PDE4C: variants seen among roughly 807,000 people sequenced by gnomAD.
PDE4C encodes the protein 3',5'-cyclic-AMP phosphodiesterase 4C.
PDE4C carries 50 observed loss-of-function variants against 63.9 expected under a neutral mutation model. The ratio of observed to expected loss-of-function variants is 0.78; its 90% CI spans 0.62 to 0.99. PDE4C has a LOEUF of 0.99. PDE4C is among the 50% of genes least tolerant of loss of function. The pLI is 0.00. For synonymous variants in PDE4C, 377 were observed against 385.1 expected (o/e 0.98, Z 0.25); for missense variants, 777 against 899.1 (o/e 0.86, Z 1.74).
intron 13 of PDE4C, among the ~76,000 whole-genome samples, chr19:18,212,525 A>G (rs1271297337): frequency 7.0e-6 from 1 of 143,028 alleles, no homozygotes; most frequent in African/African-American, 2.6e-5. Flanking sequence ...CCCAGGCTGG[A>G]GTGCAATGGT....
At chr19:18,233,734 G>A, upstream of PDE4C, 1 of 336,068 alleles carries the variant, frequency 3.0e-6, no homozygotes, top group Non-Finnish European at 5.9e-6. Context: ...TGAAGGCAGG[G>A]GAGGGAGACC....
intron 1 of PDE4C, among the ~76,000 whole-genome samples, chr19:18,248,008 C>T (rs756118294): frequency 1.3e-5 from 2 of 152,092 alleles, no homozygotes; most frequent in Admixed American, 6.5e-5. Context: ...TCAGGACTGG[C>T]GAAACAAGGT....
At chr19:18,252,416 AGAAATCAGAGAGCT>A (rs1969241590), upstream of PDE4C, 1 of 399,086 alleles carries the variant, frequency 2.5e-6, no homozygotes, top group Non-Finnish European at 4.4e-6. Context: ...CGAAGGGAGA[AGAAATCAGAGAGCT>A]GACAGGTGAT....
At chr19:18,233,335 G>A (rs1195007665) in exon 1 of PDE4C, 1 of 1,136,060 alleles carries the variant, frequency 8.8e-7, no homozygotes, top group East Asian at 2.6e-5. Context: ...GTGCTGAAGC[G>A]GTAGAAGGTG....
chr19:18,237,815 G>A (rs1050519682), upstream of PDE4C, among the ~76,000 whole-genome samples: 1 of 142,212 alleles, frequency 7.0e-6, no homozygotes, highest in East Asian at 2.2e-4. Flanking sequence ...GGAGCTTGCA[G>A]TGAGCTGAGA....
chr19:18,226,478 C>T, upstream of PDE4C: 2 of 1,296,548 alleles, frequency 1.5e-6, no homozygotes, highest in South Asian at 4.3e-5. Context: ...TGGACAGCTG[C>T]GGGGGCGGGG....
chr19:18,221,009 TG>T, intron 4 of PDE4C, 86 bp from the exon 5 acceptor site: 6 of 1,475,190 alleles, frequency 4.1e-6, no homozygotes, highest in Non-Finnish European at 5.5e-6. Flanking sequence ...CAAACCCACC[TG>T]GAGGCGCCGG....
chr19:18,238,733 C>A (rs569409518), intron 1 of PDE4C, among the ~76,000 whole-genome samples: 69 of 152,010 alleles, frequency 4.5e-4, no homozygotes, highest in African/African-American at 1.6e-3. Flanking sequence ...TGGCTCATGC[C>A]TGTAATCCCA....
upstream of PDE4C, chr19:18,252,319 G>T (rs1244771103): frequency 5.0e-6 from 2 of 399,004 alleles, no homozygotes; most frequent in Middle Eastern, 6.2e-4. Flanking sequence ...GAACTTGAGG[G>T]GCTGAGGTGG....
At chr19:18,231,907 T>G (rs1433583862) in intron 1 of PDE4C, among the ~76,000 whole-genome samples, 1 of 151,812 alleles carries the variant, frequency 6.6e-6, no homozygotes, top group Non-Finnish European at 1.5e-5. Flanking sequence ...AGCCCCTCCT[T>G]ACTTAAGTGA....
At position 18,221,249 on chromosome 19, in the gene PDE4C, G is replaced by T; in HGVS notation, c.375+12C>A. The T allele has an allele frequency of 6.5e-7, 1 of 1,548,362 alleles. No homozygotes were observed. The highest frequency in any genetic ancestry group is 8.7e-7 in the Non-Finnish European group (1 of 1,154,104). On this transcript the variant is annotated intron_variant, in intron 3 of 14. Coordinates refer to ENST00000262805, the Ensembl canonical transcript of PDE4C. ...GGAGGGGGTCAGGGCAGGGAGGGCG[G>T]GGGACACCCACCTGGGCAAAGGGCG...
exon 15 of PDE4C, chr19:18,210,734 A>AG (rs1469049800): frequency 1.2e-6 from 1 of 867,072 alleles, no homozygotes; most frequent in Non-Finnish European, 1.6e-6. Flanking sequence ...AGGCAAGTCT[A>AG]GGGTCAGAGT....
chr19:18,232,698 G>GCACACA (rs77152816), intron 1 of PDE4C, among the ~76,000 whole-genome samples: 71 of 150,800 alleles, frequency 4.7e-4, no homozygotes, highest in Middle Eastern at 3.4e-3. Flanking sequence ...GCGCGCGCGC[G>GCACACA]CACACACACA....
chr19:18,215,156 C>A (rs937420133), intron 12 of PDE4C, among the ~76,000 whole-genome samples: 5 of 152,124 alleles, frequency 3.3e-5, no homozygotes, highest in East Asian at 1.9e-4. Context: ...ACGTTTAGTT[C>A]TTTCTCACTC....
At chr19:18,233,268 C>G in exon 1 of PDE4C, 2 of 1,534,782 alleles carry the variant, frequency 1.3e-6, no homozygotes, top group Middle Eastern at 1.7e-4. Flanking sequence ...CGTCTGCTCC[C>G]GGGTCCGGCC....
Position 18,220,250 on chromosome 19 carries a change from C to G in PDE4C, c.682G>C (p.Glu228Gln), listed in dbSNP as rs550397774. 3.1e-6 allele frequency: 5 copies of G among 1,614,048 alleles called. No individual in the cohort carries two copies. In the Admixed American group the frequency reaches 6.7e-5, roughly 22 times the overall value. ...CCCAGGAAGGTCCGGGAGATGTACT[C>G]GGACACCTGGTTCCCGGAGCGGCTG... Residue 228 changes from glutamate to glutamine, a missense_variant, in exon 7 of 15, where the codon GAG becomes CAG. Physicochemically the swap from Glu to Gln is conservative, Grantham distance 29. Coordinates refer to ENST00000262805, the Ensembl canonical transcript of PDE4C. The surrounding 1 kb of genome is among the most constrained non-coding windows in gnomAD (Gnocchi z 5.1).
intron 1 of PDE4C, chr19:18,224,498 A>C: frequency 2.0e-6 from 2 of 985,480 alleles, no homozygotes; most frequent in Non-Finnish European, 2.4e-6. Context: ...GTCGAATTGG[A>C]CTTGGTCACG....
At chr19:18,238,863 C>T (rs569396377) in intron 1 of PDE4C, among the ~76,000 whole-genome samples, 44 of 151,742 alleles carry the variant, frequency 2.9e-4, no homozygotes, top group South Asian at 6.2e-4. Flanking sequence ...TGGTGGCACA[C>T]GCCTGTAGTC....
At chr19:18,212,114 C>T (rs1967977547) in intron 13 of PDE4C, among the ~76,000 whole-genome samples, 173 bp from the exon 14 acceptor site, 1 of 151,926 alleles carries the variant, frequency 6.6e-6, no homozygotes, top group Non-Finnish European at 1.5e-5. Flanking sequence ...GCCATTTCTT[C>T]AAGTTTGGCA....
Sources: gnomAD v4.1 joint callset for allele counts (sites outside exome capture counted in the v4.1 genomes callset) on GRCh38, gnomAD v4.1.1 for gene constraint, Gnocchi (gnomAD v3.1) non-coding constraint, MANE v1.5 for transcripts, NCBI Gene and HGNC (gene_info 2026-07-23, HGNC 2026-07-21) for gene names.